The following NUP50 variants were observed in gnomAD, a reference collection of about 807,000 sequenced individuals.
The protein encoded by NUP50 is nuclear pore complex protein Nup50.
NUP50 carries 14 observed loss-of-function variants against 36.8 expected under a neutral mutation model. The observed-to-expected ratio is 0.38, with a 90% CI of 0.25 to 0.59. NUP50 has a LOEUF of 0.59. Among genes scored for constraint, NUP50 ranks in the 20% least tolerant of loss-of-function variants. The pLI is 0.63. For synonymous variants in NUP50, 195 were observed against 210.8 expected (o/e 0.93, Z 0.65); for missense variants, 455 against 564.6 (o/e 0.81, Z 1.97).
intron 3 of NUP50, chr22:45,171,921 A>G (rs2074201236): frequency 2.2e-6 from 1 of 447,970 alleles, no homozygotes; most frequent in Non-Finnish European, 4.1e-6. Context: ...GACAATCTGG[A>G]GAAGAAAAAT....
At position 45,186,094 on chromosome 22, in the gene NUP50, C is replaced by G. The variant is rs932292241; in HGVS notation, c.*1439C>G. ...CAATTTTATGATCAAATATGATGAA[C>G]TCCTAAGTCACTGAGGTGTGATTGG... On this transcript the variant is annotated 3_prime_UTR_variant, in exon 8 of 8. Transcript: ENST00000347635. 4.6e-5 allele frequency: 7 copies of G among 152,326 alleles called. No homozygotes were observed. The highest frequency in any genetic ancestry group is 1.7e-4 in the African/African-American group (7 of 41,574). The allele number at this position is 152,326 out of a possible 1,614,324, so 9.4% of individuals were successfully genotyped here.
At chr22:45,182,247 C>G (rs1452109716) in intron 6 of NUP50, among the ~76,000 whole-genome samples, 1 of 152,018 alleles carries the variant, frequency 6.6e-6, no homozygotes, top group East Asian at 1.9e-4. Flanking sequence ...TCCAGACAAA[C>G]CTGGCCAACA....
chr22:45,184,347 T>C, intron 7 of NUP50, 106 bp from the exon 8 acceptor site: 1 of 1,040,198 alleles, frequency 9.6e-7, no homozygotes, highest in Non-Finnish European at 1.4e-6. Context: ...CTCCCTGTCT[T>C]AGATGTATTA....
intron 1 of NUP50, among the ~76,000 whole-genome samples, chr22:45,165,555 T>G (rs568409363): frequency 2.8e-4 from 42 of 152,368 alleles, no homozygotes; most frequent in African/African-American, 1.0e-3. Context: ...GGCCTTGTTC[T>G]GAATATTTTA....
intron 1 of NUP50, among the ~76,000 whole-genome samples, chr22:45,165,610 G>A (rs1217606611): frequency 2.0e-5 from 3 of 152,156 alleles, no homozygotes; most frequent in African/African-American, 7.2e-5. Flanking sequence ...AAAGTAAAAT[G>A]TATTGTCTGA....
intron 6 of NUP50, 80 bp downstream of exon 6, chr22:45,181,447 C>A: frequency 1.2e-6 from 1 of 855,016 alleles, no homozygotes; most frequent in Non-Finnish European, 1.8e-6. Context: ...GTCCTCACGG[C>A]ACTTGACTGA....
At chr22:45,171,551 C>T (rs959876832) in intron 2 of NUP50, 49 bp from the exon 3 acceptor site, 1 of 1,478,778 alleles carries the variant, frequency 6.8e-7, no homozygotes, top group South Asian at 1.1e-5. Context: ...AGGATTTTGT[C>T]ATCTGTTTGG....
intron 7 of NUP50, 69 bp downstream of exon 7, chr22:45,183,589 C>T (rs975014258): frequency 7.2e-6 from 7 of 968,270 alleles, no homozygotes; most frequent in South Asian, 6.5e-5. Flanking sequence ...ACCCTGCTGA[C>T]TCAAGGTTAT....
rs1188234845 is a variant in NUP50 at position 45,186,252 on chromosome 22, CA to C, written c.*1598del. ...TTGTCCTGTTACAGATGCTGTCAGA[CA>C]TAGCGATAGTAGGCACCTAGGGAGG... On this transcript the variant is annotated 3_prime_UTR_variant, in exon 8 of 8. Coordinates refer to ENST00000347635, the MANE Select transcript of NUP50 (RefSeq NM_007172.4). 1 of 152,130 alleles carries C rather than the reference CA, an allele frequency of 6.6e-6. No individual in the cohort carries two copies. Among genetic ancestry groups the C allele is most frequent in the African/African-American group, 2.4e-5 (1 of 41,412 alleles). The allele number at this position is 152,130 out of a possible 1,614,324, so 9.4% of individuals were successfully genotyped here. A position where few individuals can be genotyped will look rare whatever the true frequency, so the allele number is the denominator to read the frequency against.
At chr22:45,169,888 G>C (rs960778719) in intron 2 of NUP50, among the ~76,000 whole-genome samples, 3 of 152,190 alleles carry the variant, frequency 2.0e-5, no homozygotes, top group African/African-American at 7.2e-5. Flanking sequence ...CCAGAGGCTT[G>C]AACCCCTCCC....
intron 3 of NUP50, among the ~76,000 whole-genome samples, chr22:45,172,408 G>T (rs2074209796): frequency 6.6e-6 from 1 of 152,032 alleles, no homozygotes; most frequent in African/African-American, 2.4e-5. Context: ...CTCTAATCTG[G>T]AAATCCAAAA....
At chr22:45,181,710 A>G (rs2147702591) in intron 6 of NUP50, among the ~76,000 whole-genome samples, 1 of 152,022 alleles carries the variant, frequency 6.6e-6, no homozygotes, top group South Asian at 2.1e-4. Context: ...CTCCCCAACA[A>G]AGAAATCGCA....
At chr22:45,182,136 T>C (rs993107925) in intron 6 of NUP50, among the ~76,000 whole-genome samples, 22 of 152,082 alleles carry the variant, frequency 1.4e-4, no homozygotes, top group Non-Finnish European at 3.2e-4. Context: ...AGATTTTTTT[T>C]TTTTTTAATT....
rs1378619006 is a variant in NUP50, at chr22:45,164,729, G to A, written c.-11+433G>A. On this transcript the variant is annotated intron_variant, in intron 1 of 7. Coordinates refer to ENST00000347635, the MANE Select transcript of NUP50 (RefSeq NM_007172.4). Reference sequence around the variant, plus strand: ...CACCGGGCTGCGGCGTCCGACTCGAGTGAGACTCTCCCCTGCGGCCCCGCC... The same window carrying A: ...CACCGGGCTGCGGCGTCCGACTCGAATGAGACTCTCCCCTGCGGCCCCGCC... 2.6e-5 allele frequency: 4 copies of A among 152,156 alleles called. No homozygotes were observed. The East Asian group carries it at 7.8e-4, about 30-fold the overall frequency. 9.4% of individuals were successfully genotyped at this position (152,156 alleles called of 1,614,324 possible).
chr22:45,171,122 T>C lies in NUP50; in HGVS notation c.70-478T>C, dbSNP rs929558465. 4.0e-6 allele frequency: 5 copies of C among 1,263,758 alleles called. No individual in the cohort carries two copies. The African/African-American group carries it at 4.7e-5, about 12-fold the overall frequency. The allele number at this position is 1,263,758 out of a possible 1,614,324, so 78.3% of individuals were successfully genotyped here. On this transcript the variant is annotated intron_variant, in intron 2 of 7. Transcript: ENST00000347635. ...GTTGTCCAGCAAGGTCCTAGGTGCCTCCGTGGCCTTTCGTACAGTGGGCAA... is the reference window on the plus strand; with the variant it reads ...GTTGTCCAGCAAGGTCCTAGGTGCCCCCGTGGCCTTTCGTACAGTGGGCAA...
Position 45,183,681 on chromosome 22 carries a change from G to A in NUP50, c.1204+161G>A, listed in dbSNP as rs1055244023. ...TATAGTTTTGAGTCCCAGGATAATA[G>A]TGTGTAAGGAAACATAAATGTGTTA... On this transcript the variant is annotated intron_variant, in intron 7 of 7. Coordinates refer to ENST00000347635, the MANE Select transcript of NUP50 (RefSeq NM_007172.4). 5 of 598,742 alleles carry A rather than the reference G, an allele frequency of 8.4e-6. No homozygotes were observed. The Admixed American group carries it at 1.4e-4, about 17-fold the overall frequency. The allele number at this position is 598,742 out of a possible 1,614,324, so 37.1% of individuals were successfully genotyped here.
At chr22:45,171,477 TG>T in intron 2 of NUP50, 122 bp from the exon 3 acceptor site, 1 of 948,304 alleles carries the variant, frequency 1.1e-6, no homozygotes, top group Non-Finnish European at 1.6e-6. Context: ...CCATTGTGCC[TG>T]GCCAAAATTT....
chr22:45,171,843 G>T, intron 3 of NUP50, 160 bp downstream of exon 3: 1 of 592,120 alleles, frequency 1.7e-6, no homozygotes, highest in East Asian at 2.8e-5. Context: ...GAAACGTCAG[G>T]TCTGGACCTT....
In NUP50 at chr22:45,181,366, A is replaced by C. The variant is rs905255793; in HGVS notation, c.1084A>C (p.Lys362Gln). 5.7e-6 allele frequency: 9 copies of C among 1,579,276 alleles called. No individual in the cohort carries two copies. Among genetic ancestry groups the C allele is most frequent in the Non-Finnish European group, 7.7e-6 (9 of 1,166,996 alleles). ...VKEEDAFYSK[K>Q]CKLFYKKDNE... ...AGAAGAAGATGCTTTTTACTCCAAAAAGTAAGAATCCCCACAACCTGCTGG... is the reference window on the plus strand; with the variant it reads ...AGAAGAAGATGCTTTTTACTCCAAACAGTAAGAATCCCCACAACCTGCTGG... Residue 362 changes from lysine to glutamine, a missense_variant and splice_region_variant, in exon 6 of 8, where the codon AAG becomes CAG. Physicochemically the swap from Lys to Gln is moderately conservative, Grantham distance 53. Transcript: ENST00000347635.
Sources: gnomAD v4.1 joint callset for allele counts (sites outside exome capture counted in the v4.1 genomes callset) on GRCh38, gnomAD v4.1.1 for gene constraint, MANE v1.5 for transcripts, NCBI Gene and HGNC (gene_info 2026-07-23, HGNC 2026-07-21) for gene names.